The following SCNN1A variants were observed in gnomAD, a reference collection of about 807,000 sequenced individuals.
The protein encoded by SCNN1A is sodium channel epithelial 1 subunit alpha, also known as epithelial sodium channel subunit alpha.
SCNN1A carries 65 observed loss-of-function variants against 68.6 expected under a neutral mutation model. The ratio of observed to expected loss-of-function variants is 0.95; its 90% CI spans 0.78 to 1.16. The LOEUF (loss-of-function observed/expected upper bound fraction) is 1.16, where lower values mean the gene tolerates loss of function less well. Among genes scored for constraint, SCNN1A ranks in the 50% most tolerant of loss-of-function variants. The pLI, the probability that SCNN1A is intolerant of heterozygous loss-of-function variation, is 0.00. For missense variants in SCNN1A, 880 were observed against 865.9 expected, an observed-to-expected ratio of 1.02 and a Z score of -0.20; for synonymous variants, 357 against 353.3, an observed-to-expected ratio of 1.01 and a Z score of -0.12.
At chr12:6,370,590 G>A (rs1029750795) in intron 2 of SCNN1A, among the ~76,000 whole-genome samples, 2 of 152,204 alleles carry the variant, frequency 1.3e-5, no homozygotes, top group African/African-American at 2.4e-5. Flanking sequence ...CACCATGGCA[G>A]GGTTAGAGGG....
At position 6,355,820 on chromosome 12, in the gene SCNN1A, GTTC is replaced by G. The variant is rs1402504472; in HGVS notation, c.933_935del (p.Lys311del). 1 of 1,613,760 alleles carries G rather than the reference GTTC, an allele frequency of 6.2e-7. No homozygotes were observed. The highest frequency in any genetic ancestry group is 2.2e-5 in the East Asian group (1 of 44,882). ...TGGAAGACATCCAGAGGTTGGAGTT[GTTC>G]TTGTCATTGAAAGTATAGCAGTTTC... is the stretch of plus-strand genomic sequence containing the variant. On this transcript the variant is annotated inframe_deletion, in exon 5 of 13. Transcript: ENST00000228916.
chr12:6,353,553 T>G (rs1048676256), intron 8 of SCNN1A, among the ~76,000 whole-genome samples: 3 of 151,974 alleles, frequency 2.0e-5, no homozygotes, highest in African/African-American at 7.2e-5. Context: ...TTCCTTCTGC[T>G]GCAGGTTGTT....
chr12:6,349,743 T>C, intron 8 of SCNN1A: 1 of 258,536 alleles, frequency 3.9e-6, no homozygotes. Context: ...TAATTTTTTT[T>C]TTAGACGGAG....
Position 6,347,956 on chromosome 12 carries a change from C to A in SCNN1A, c.1927G>T (p.Ala643Ser). The A allele has an allele frequency of 1.9e-6, 3 of 1,569,432 alleles. No individual in the cohort carries two copies. The highest frequency in any genetic ancestry group is 2.6e-6 in the Non-Finnish European group (3 of 1,153,504). ...PSPALTAPPP[A>S]YATLGPRPSP... ...GGGCGGGGGCCCAGGGTGGCATAGG[C>A]AGGGGGAGGGGCTGTCAAGGCTGGA... Residue 643 changes from alanine (A) to serine (S), a missense_variant, in exon 13 of 13, where the codon GCC becomes TCC. By Grantham distance (99) the Ala-to-Ser change is moderately conservative. Coordinates refer to ENST00000228916, the MANE Select transcript of SCNN1A (RefSeq NM_001038.6).
At chr12:6,348,669 G>A in intron 12 of SCNN1A, 58 bp downstream of exon 12, 1 of 1,459,232 alleles carries the variant, frequency 6.9e-7, no homozygotes, top group South Asian at 1.1e-5. Context: ...TTCCCCGACA[G>A]CCGCCCTGCT....
chr12:6,359,700 A>C (rs1349325517), intron 4 of SCNN1A, among the ~76,000 whole-genome samples: 1 of 151,600 alleles, frequency 6.6e-6, no homozygotes, highest in Non-Finnish European at 1.5e-5. Flanking sequence ...ATGCTTGTAC[A>C]ATCTGCAGAA....
At chr12:6,375,768 G>A (rs1338407955), upstream of SCNN1A, 2 of 1,407,982 alleles carry the variant, frequency 1.4e-6, no homozygotes, top group Non-Finnish European at 1.8e-6. Context: ...GGCAGGTGAG[G>A]GGCAAAGATC....
At chr12:6,352,944 C>A (rs1948413641) in intron 8 of SCNN1A, among the ~76,000 whole-genome samples, 3 of 152,244 alleles carry the variant, frequency 2.0e-5, no homozygotes. Flanking sequence ...TGGCCCTCCG[C>A]CCACCCTGTG....
rs763817965 is a variant in SCNN1A at position 6,349,010 on chromosome 12, G to T, written c.1498-5C>A. 2 of 1,613,896 alleles carry T rather than the reference G, an allele frequency of 1.2e-6. No individual in the cohort carries two copies. Among genetic ancestry groups the T allele is most frequent in the South Asian group, 2.2e-5 (2 of 91,076 alleles). On this transcript the variant is annotated splice_polypyrimidine_tract_variant and splice_region_variant and intron_variant, in intron 10 of 12. Transcript: ENST00000228916. ...TAGCATCTGGAAGACCCATTCCTAGGAAAGAATGGGGGTGTCATCAAGGTC... is the reference window on the plus strand; with the variant it reads ...TAGCATCTGGAAGACCCATTCCTAGTAAAGAATGGGGGTGTCATCAAGGTC...
Position 6,374,385 on chromosome 12 carries a change from G to A in SCNN1A, c.399C>T (p.Cys133=), listed in dbSNP as rs773813638. Reference sequence around the variant, plus strand: ...TAACCGACCTGTAGGGATTGAGGGTGCAGATGGTCACTGCGGGGAAGACGA... The same window carrying A: ...TAACCGACCTGTAGGGATTGAGGGTACAGATGGTCACTGCGGGGAAGACGA... ...DKLVFPAVTI[C]TLNPYRYPEI... is the part of the protein sequence containing the mutation. The change falls in exon 2 of 13, where the codon TGC becomes TGT. Residue 133 remains cysteine (C), a synonymous_variant. Coordinates refer to ENST00000228916, the MANE Select transcript of SCNN1A (RefSeq NM_001038.6). This position sits in a 1 kb window ranked among gnomAD's most constrained non-coding sequence, Gnocchi z 6.2. 6.2e-7 allele frequency: 1 copy of A among 1,614,226 alleles called. No individual in the cohort carries two copies. Among genetic ancestry groups the A allele is most frequent in the Admixed American group, 1.7e-5 (1 of 60,024 alleles).
At position 6,355,839 on chromosome 12, in the gene SCNN1A, T is replaced by C; in HGVS notation, c.917A>G (p.Tyr306Cys). ...GGAGTTGTTCTTGTCATTGAAAGTA[T>C]AGCAGTTTCCATACATCGGGTGGTG... ...HFHHPMYGNCYTFNDKNNSNL... is the reference protein window; with the variant it reads ...HFHHPMYGNCCTFNDKNNSNL... The change falls in exon 5 of 13, where the codon TAT becomes TGT. Residue 306 changes from tyrosine (Y) to cysteine (C), a missense_variant. This residue lies in a region of SCNN1A where 758 missense variants were observed against 721.8 expected (regional missense o/e 1.05). Coordinates refer to ENST00000228916, the MANE Select transcript of SCNN1A (RefSeq NM_001038.6). 3 of 1,613,646 alleles carry C rather than the reference T, an allele frequency of 1.9e-6. No homozygotes were observed. Among genetic ancestry groups the C allele is most frequent in the Non-Finnish European group, 2.5e-6 (3 of 1,179,534 alleles).
chr12:6,376,100 G>A (rs563250228), upstream of SCNN1A: 78 of 988,544 alleles, frequency 7.9e-5, no homozygotes, highest in African/African-American at 1.1e-3. Context: ...CCCTCCAAGG[G>A]CACCCACAGG....
chr12:6,363,825 T>C, intron 2 of SCNN1A, 115 bp from the exon 3 acceptor site: 1 of 950,792 alleles, frequency 1.1e-6, no homozygotes, highest in East Asian at 3.3e-5. Context: ...CGGAGAAGCC[T>C]GGGCGGGGCT....
chr12:6,374,660 T>C lies in SCNN1A; in HGVS notation c.124A>G (p.Thr42Ala), dbSNP rs551220820. 1.9e-5 allele frequency: 30 copies of C among 1,613,766 alleles called. No individual in the cohort carries two copies. The South Asian group carries it at 3.1e-4, about 17-fold the overall frequency. Residue 42 changes from threonine (T) to alanine (A), a missense_variant, in exon 2 of 13, where the codon ACG (threonine) becomes GCG (alanine). By Grantham distance (58) the Thr-to-Ala change is moderately conservative. This residue lies in a region of SCNN1A where 77 missense variants were observed against 67.4 expected (regional missense o/e 1.14). Transcript: ENST00000228916. This position sits in a 1 kb window ranked among gnomAD's most constrained non-coding sequence, Gnocchi z 6.2. ...GPEPAAPQQP[T>A]AEEEALIEFH... The stretch of plus-strand genomic sequence containing the variant: ...TCGATCAGGGCCTCCTCCTCCGCCG[T>C]GGGCTGCTGGGGCGCCGCAGGTTCG...
Position 6,348,964 on chromosome 12 carries a change from G to C in SCNN1A, c.1539C>G (p.Thr513=). 6.2e-7 allele frequency: 1 copy of C among 1,613,946 alleles called. No individual in the cohort carries two copies. The highest frequency in any genetic ancestry group is 8.5e-7 in the Non-Finnish European group (1 of 1,179,994). The change falls in exon 11 of 13, where the codon ACC becomes ACG. Residue 513 remains threonine, a synonymous_variant. Transcript: ENST00000228916. ...FQMLSRQNNY[T]VNNKRNGVAK... ...GCAGGACTGACCTCTTGTTGTTGAC[G>C]GTGTAATTGTTCTGTCGCGATAGCA...
chr12:6,364,191 C>T (rs1279921445), intron 2 of SCNN1A: 1 of 153,240 alleles, frequency 6.5e-6, no homozygotes, highest in African/African-American at 2.4e-5. Flanking sequence ...TTTAGAATCT[C>T]CAACTCTAAA....
intron 2 of SCNN1A, among the ~76,000 whole-genome samples, chr12:6,371,260 A>T (rs3782728): frequency 0.026 from 3,990 of 151,800 alleles, 117 homozygotes; most frequent in East Asian, 0.093. Context: ...ATTCACTCAC[A>T]GGGGCTCATT....
chr12:6,357,994 G>A (rs554956353), intron 4 of SCNN1A, among the ~76,000 whole-genome samples: 12 of 152,062 alleles, frequency 7.9e-5, no homozygotes, highest in South Asian at 4.2e-4. Context: ...GTGAAACTCC[G>A]TCTCCAAAAG....
intron 2 of SCNN1A, among the ~76,000 whole-genome samples, chr12:6,368,244 TG>T (rs1405030180): frequency 6.6e-6 from 1 of 152,176 alleles, no homozygotes; most frequent in Non-Finnish European, 1.5e-5. Flanking sequence ...ACAGTGACTC[TG>T]GGGGCTGCTG....
Sources: gnomAD v4.1 joint callset for allele counts (sites outside exome capture counted in the v4.1 genomes callset) on GRCh38, gnomAD v4.1.1 for gene constraint, gnomAD v4.1.1 regional missense constraint, Gnocchi (gnomAD v3.1) non-coding constraint, MANE v1.5 for transcripts, NCBI Gene and HGNC (gene_info 2026-07-23, HGNC 2026-07-21) for gene names.